FBXL20: variants seen among roughly 807,000 people sequenced by gnomAD.
The protein encoded by FBXL20 is F-box/LRR-repeat protein 20.
A neutral mutation model predicts 64.0 loss-of-function variants in FBXL20; 11 were observed. That is an observed-to-expected ratio of 0.17 (90% CI 0.11 to 0.28). FBXL20 has a LOEUF of 0.28. Among genes scored for constraint, FBXL20 ranks in the 10% least tolerant of loss-of-function variants. FBXL20 has a pLI of 1.00. For synonymous variants in FBXL20, 184 were observed against 189.0 expected (o/e 0.97, Z 0.22); for missense variants, 303 against 526.2 (o/e 0.58, Z 4.15).
chr17:39,294,749 C>T (rs148057058), intron 6 of FBXL20, among the ~76,000 whole-genome samples: 8,075 of 152,160 alleles, frequency 0.053, 241 homozygotes, highest in Non-Finnish European at 0.078. Flanking sequence ...CGGTGGCTCA[C>T]GCCTGTAATC....
intron 2 of FBXL20, among the ~76,000 whole-genome samples, chr17:39,328,657 G>A (rs141334302): frequency 7.2e-5 from 11 of 152,244 alleles, no homozygotes; most frequent in African/African-American, 2.4e-4. Context: ...TGGAAGTAAC[G>A]GTAAATTTAG....
intron 3 of FBXL20, among the ~76,000 whole-genome samples, chr17:39,301,557 G>T (rs1043668015): frequency 1.3e-5 from 2 of 152,000 alleles, no homozygotes; most frequent in African/African-American, 4.8e-5. Flanking sequence ...GTGAAACCCC[G>T]TCTCTACTAA....
intron 2 of FBXL20, among the ~76,000 whole-genome samples, chr17:39,337,545 C>T (rs9796304): frequency 1.3e-5 from 2 of 150,784 alleles, no homozygotes; most frequent in Non-Finnish European, 3.0e-5. Context: ...GTGGGGAGCG[C>T]CTCTGCCCCG....
chr17:39,344,808 A>G (rs2047617272), intron 1 of FBXL20, among the ~76,000 whole-genome samples: 1 of 152,126 alleles, frequency 6.6e-6, no homozygotes, highest in Admixed American at 6.6e-5. Flanking sequence ...TAAAAATTAA[A>G]AAAGGAAAAT....
rs1013293192 is a variant in FBXL20 at position 39,398,885 on chromosome 17, G to C, written c.42+2476C>G. On this transcript the variant is annotated intron_variant, in intron 1 of 14. Coordinates refer to ENST00000264658, the MANE Select transcript of FBXL20 (RefSeq NM_032875.3). Reference sequence around the variant, plus strand: ...AGACCGGGTTTCACCAGGTTGGTCAGGCTGGTCTTGAACTCCTGACCTCGT... The same window carrying C: ...AGACCGGGTTTCACCAGGTTGGTCACGCTGGTCTTGAACTCCTGACCTCGT... 6.6e-5 allele frequency among the ~76,000 whole-genome samples: 10 copies of C among 152,132 alleles called. 1 individual carries two copies. In the South Asian group the frequency reaches 1.9e-3, roughly 28 times the overall value.
intron 2 of FBXL20, among the ~76,000 whole-genome samples, chr17:39,337,894 A>G (rs8072968): frequency 0.4 from 58,554 of 147,006 alleles, 14,985 homozygotes; most frequent in African/African-American, 0.74. Context: ...CCGGCCAGCC[A>G]CCCTATCCGG....
chr17:39,296,887 T>TACTG (rs529459021), intron 6 of FBXL20, among the ~76,000 whole-genome samples: 68 of 152,336 alleles, frequency 4.5e-4, no homozygotes, highest in African/African-American at 1.6e-3. Context: ...TTAGTATCCC[T>TACTG]ACTGTATGTA....
At chr17:39,280,033 T>C (rs1034973813) in intron 9 of FBXL20, among the ~76,000 whole-genome samples, 5 of 151,176 alleles carry the variant, frequency 3.3e-5, no homozygotes, top group African/African-American at 9.7e-5. Context: ...ATACAAAAAT[T>C]ACCAGCCTGG....
chr17:39,371,128 G>GA (rs2047914543), intron 1 of FBXL20, among the ~76,000 whole-genome samples: 1 of 152,168 alleles, frequency 6.6e-6, no homozygotes, highest in Admixed American at 6.5e-5. Flanking sequence ...TGAGGCAGGA[G>GA]AATCACTTGA....
At chr17:39,339,790 C>T (rs558516923) in intron 2 of FBXL20, among the ~76,000 whole-genome samples, 34 of 150,400 alleles carry the variant, frequency 2.3e-4, no homozygotes, top group Admixed American at 6.0e-4. Context: ...ACTACAGGCG[C>T]GCACCACCAC....
chr17:39,291,429 T>C (rs1359675642), intron 6 of FBXL20, among the ~76,000 whole-genome samples: 1 of 146,842 alleles, frequency 6.8e-6, no homozygotes, highest in African/African-American at 2.6e-5. Context: ...TTTAAAACTT[T>C]TCTTTTTTTT....
At chr17:39,360,352 A>G (rs2047782569) in intron 1 of FBXL20, among the ~76,000 whole-genome samples, 2 of 152,194 alleles carry the variant, frequency 1.3e-5, no homozygotes, top group South Asian at 4.2e-4. Flanking sequence ...ACTTAATGTC[A>G]CTGAACTGTA....
chr17:39,367,111 C>A (rs1406996917), intron 1 of FBXL20, among the ~76,000 whole-genome samples: 2 of 151,806 alleles, frequency 1.3e-5, no homozygotes, highest in Non-Finnish European at 2.9e-5. Flanking sequence ...TCTCGATCTC[C>A]TGACCTCAAG....
chr17:39,258,037 T>C lies in FBXL20; in HGVS notation c.*3423A>G, dbSNP rs1273595319. On this transcript the variant is annotated 3_prime_UTR_variant, in exon 15 of 15. Coordinates refer to ENST00000264658, the MANE Select transcript of FBXL20 (RefSeq NM_032875.3). The stretch of plus-strand genomic sequence containing the variant: ...TCTCCAGAGACACTACAGTAATTCC[T>C]CCTTGCCCACCTGTAGGTTTACGGC... The C allele has an allele frequency of 6.6e-6, 1 of 152,314 alleles. No individual in the cohort carries two copies. Among genetic ancestry groups the C allele is most frequent in the Non-Finnish European group, 1.5e-5 (1 of 68,038 alleles). The allele number at this position is 152,314 out of a possible 1,614,324, so 9.4% of individuals were successfully genotyped here.
chr17:39,301,125 A>G (rs1334338927), intron 3 of FBXL20, 50 bp from the exon 4 acceptor site: 3 of 1,526,320 alleles, frequency 2.0e-6, no homozygotes, highest in South Asian at 1.1e-5. Flanking sequence ...AATTAAGGGG[A>G]AAAGGCAGCA....
At chr17:39,383,679 T>A (rs1453521495) in intron 1 of FBXL20, among the ~76,000 whole-genome samples, 1 of 147,310 alleles carries the variant, frequency 6.8e-6, no homozygotes, top group African/African-American at 2.5e-5. Context: ...AACCTCCGCC[T>A]CCCAGGTTCA....
intron 6 of FBXL20, among the ~76,000 whole-genome samples, chr17:39,287,660 C>A (rs769123266): frequency 2.6e-5 from 4 of 152,156 alleles, no homozygotes; most frequent in Non-Finnish European, 5.9e-5. Flanking sequence ...TTGCCTTGGC[C>A]TTCCAGAGTG....
intron 4 of FBXL20, among the ~76,000 whole-genome samples, chr17:39,300,016 G>A (rs1393135192): frequency 6.6e-6 from 1 of 151,326 alleles, no homozygotes; most frequent in African/African-American, 2.4e-5. Context: ...AGAATTGCTT[G>A]AACCCAGGAG....
intron 1 of FBXL20, among the ~76,000 whole-genome samples, chr17:39,375,908 A>G (rs1039577555): frequency 1.3e-5 from 2 of 152,094 alleles, no homozygotes; most frequent in Non-Finnish European, 2.9e-5. Context: ...TCACGAGGTC[A>G]GGAGTTTGAG....
Sources: gnomAD v4.1 joint callset for allele counts (sites outside exome capture counted in the v4.1 genomes callset) on GRCh38, gnomAD v4.1.1 for gene constraint, MANE v1.5 for transcripts, NCBI Gene and HGNC (gene_info 2026-07-23, HGNC 2026-07-21) for gene names.